The following DSCAML1 variants were observed in gnomAD, a reference collection of about 807,000 sequenced individuals.
DSCAML1 encodes the protein DS cell adhesion molecule like 1, also known as cell adhesion molecule DSCAML1.
A neutral mutation model predicts 200.5 loss-of-function variants in DSCAML1; 38 were observed. That is an observed-to-expected ratio of 0.19 (90% CI 0.15 to 0.25). DSCAML1 has a LOEUF of 0.25. Ranked by LOEUF, DSCAML1 falls within the 10% of genes least tolerant of loss-of-function variation. DSCAML1 has a pLI of 1.00. For missense variants in DSCAML1, 2,223 were observed against 2,858.8 expected, an observed-to-expected ratio of 0.78 and a Z score of 5.07; for synonymous variants, 1,215 against 1,165.0, an observed-to-expected ratio of 1.04 and a Z score of -0.87.
chr11:117,569,757 A>T (rs1371782061), intron 3 of DSCAML1, among the ~76,000 whole-genome samples: 1 of 152,166 alleles, frequency 6.6e-6, no homozygotes, highest in Non-Finnish European at 1.5e-5. Context: ...TGACCAACAG[A>T]TGCAGTTGAA....
intron 3 of DSCAML1, among the ~76,000 whole-genome samples, chr11:117,537,784 C>A (rs1024253610): frequency 6.6e-6 from 1 of 152,160 alleles, no homozygotes; most frequent in African/African-American, 2.4e-5. Context: ...GTAACAGCAA[C>A]GAAACGCAAG....
At chr11:117,429,104 C>T (rs1415032426) in intron 32 of DSCAML1, among the ~76,000 whole-genome samples, 1 of 152,156 alleles carries the variant, frequency 6.6e-6, no homozygotes, top group Non-Finnish European at 1.5e-5. Flanking sequence ...CTGCCCAGTA[C>T]ATGGATGCTT....
At chr11:117,559,484 C>T (rs944700620) in intron 3 of DSCAML1, among the ~76,000 whole-genome samples, 3 of 152,212 alleles carry the variant, frequency 2.0e-5, no homozygotes, top group Non-Finnish European at 2.9e-5. Flanking sequence ...TATGACCTTG[C>T]ACTATGTATG....
intron 3 of DSCAML1, among the ~76,000 whole-genome samples, chr11:117,717,366 G>C (rs1335836881): frequency 6.6e-6 from 1 of 152,004 alleles, no homozygotes; most frequent in Non-Finnish European, 1.5e-5. Flanking sequence ...GCCTCAAAGG[G>C]TGCCCACTCC....
intron 3 of DSCAML1, among the ~76,000 whole-genome samples, chr11:117,757,547 C>T (rs74813017): frequency 1.1e-3 from 171 of 148,702 alleles, no homozygotes; most frequent in African/African-American, 3.7e-3. Context: ...ATAGAGCATA[C>T]GCATTTTTAA....
chr11:117,558,071 T>C (rs2050590934), intron 3 of DSCAML1, among the ~76,000 whole-genome samples: 1 of 151,746 alleles, frequency 6.6e-6, no homozygotes, highest in African/African-American at 2.4e-5. Context: ...GGTGGCAGGA[T>C]CAGAGGAGAG....
At chr11:117,694,535 T>C (rs1167808863) in intron 3 of DSCAML1, among the ~76,000 whole-genome samples, 2 of 152,200 alleles carry the variant, frequency 1.3e-5, no homozygotes, top group Non-Finnish European at 2.9e-5. Flanking sequence ...GACCATCTCC[T>C]TTCAAATGAA....
intron 3 of DSCAML1, among the ~76,000 whole-genome samples, chr11:117,551,051 T>C (rs2050458905): frequency 6.6e-6 from 1 of 152,168 alleles, no homozygotes; most frequent in South Asian, 2.1e-4. Context: ...AATTCTCTTC[T>C]TTTCCTGCCC....
chr11:117,484,023 C>CGCCCCCCACCCCTGCCCCCCGCCCCT (rs1555175660), intron 11 of DSCAML1, among the ~76,000 whole-genome samples: 1 of 139,010 alleles, frequency 7.2e-6, no homozygotes, highest in African/African-American at 2.6e-5. Context: ...GTTCCCTGCC[C>CGCCCCCCACCCCTGCCCCCCGCCCCT]GCCCCCCGCC....
chr11:117,568,404 T>C (rs1202236564), intron 3 of DSCAML1, among the ~76,000 whole-genome samples: 3 of 152,070 alleles, frequency 2.0e-5, no homozygotes, highest in African/African-American at 7.2e-5. Context: ...AAATAAAGGG[T>C]ATTCAGTTAG....
intron 11 of DSCAML1, among the ~76,000 whole-genome samples, chr11:117,486,472 G>GAAAGTA (rs1565731630): frequency 9.8e-4 from 49 of 50,192 alleles, no homozygotes; most frequent in African/African-American, 4.3e-3. Flanking sequence ...ATGTGAAAAT[G>GAAAGTA]GTGGATGTGA....
chr11:117,647,261 C>T (rs1327488180), intron 3 of DSCAML1, among the ~76,000 whole-genome samples: 2 of 152,194 alleles, frequency 1.3e-5, no homozygotes, highest in African/African-American at 2.4e-5. Flanking sequence ...TTACGCTGCT[C>T]CCCCAGGAAA....
intron 3 of DSCAML1, among the ~76,000 whole-genome samples, chr11:117,684,262 T>C (rs2053363104): frequency 6.6e-6 from 1 of 151,770 alleles, no homozygotes; most frequent in South Asian, 2.1e-4. Context: ...TGATGTTTTG[T>C]ATGGATCTTT....
chr11:117,689,448 T>A lies in DSCAML1; in HGVS notation c.511+87343A>T, dbSNP rs546321171. On this transcript the variant is annotated intron_variant, in intron 3 of 32. Coordinates refer to ENST00000651296, the MANE Select transcript of DSCAML1 (RefSeq NM_020693.4). ...GGCACGCTGAAATGTGAAAGGATAG[T>A]AATACATAGCAAGAAAGACTGGGTT... is the stretch of plus-strand genomic sequence containing the variant. Among the ~76,000 whole-genome samples the A allele has an allele frequency of 9.9e-5, 15 of 152,264 alleles. 1 individual carries two copies. The South Asian group carries it at 3.1e-3, about 32-fold the overall frequency.
At chr11:117,770,559 G>C (rs1338412256) in intron 3 of DSCAML1, among the ~76,000 whole-genome samples, 1 of 152,102 alleles carries the variant, frequency 6.6e-6, no homozygotes, top group Non-Finnish European at 1.5e-5. Context: ...CAGTAGGGGA[G>C]AGACTGTCAT....
chr11:117,585,359 C>T (rs1379559089), intron 3 of DSCAML1, among the ~76,000 whole-genome samples: 1 of 152,098 alleles, frequency 6.6e-6, no homozygotes, highest in African/African-American at 2.4e-5. Flanking sequence ...AAGCAATTCT[C>T]TTGCCTCAGC....
At chr11:117,519,040 C>T (rs992417244) in intron 6 of DSCAML1, among the ~76,000 whole-genome samples, 6 of 152,104 alleles carry the variant, frequency 3.9e-5, no homozygotes, top group African/African-American at 1.2e-4. Flanking sequence ...GTCTCATGGA[C>T]GGAGGATGGG....
At chr11:117,620,685 G>A (rs1406051826) in intron 3 of DSCAML1, among the ~76,000 whole-genome samples, 1 of 152,202 alleles carries the variant, frequency 6.6e-6, no homozygotes, top group Non-Finnish European at 1.5e-5. Context: ...AGCATGGGAT[G>A]CCCTCCCCAT....
chr11:117,481,911 TC>T, intron 12 of DSCAML1, 51 bp downstream of exon 12: 1 of 1,601,624 alleles, frequency 6.2e-7, no homozygotes. Context: ...AGCTGCGGGC[TC>T]CCCACTCTCT....
Sources: allele counts gnomAD v4.1 joint callset (sites outside exome capture counted in the v4.1 genomes callset), GRCh38; gene constraint gnomAD v4.1.1; transcripts MANE v1.5; gene names NCBI Gene and HGNC (gene_info 2026-07-23, HGNC 2026-07-21).